The following DENND2A variants were observed in gnomAD, a reference collection of about 807,000 sequenced individuals.
DENND2A encodes the protein DENN domain containing 2A.
A neutral mutation model predicts 105.3 loss-of-function variants in DENND2A; 53 were observed. That is an observed-to-expected ratio of 0.50 (90% CI 0.40 to 0.63). The LOEUF (loss-of-function observed/expected upper bound fraction) is 0.63. DENND2A is among the 30% of genes least tolerant of loss of function. DENND2A has a pLI of 0.00. For missense variants in DENND2A, 1,138 were observed against 1,279.6 expected, an observed-to-expected ratio of 0.89 and a Z score of 1.69; for synonymous variants, 522 against 508.4, an observed-to-expected ratio of 1.03 and a Z score of -0.36.
chr7:140,562,815 T>C (rs1797685264), intron 9 of DENND2A, among the ~76,000 whole-genome samples: 1 of 152,230 alleles, frequency 6.6e-6, no homozygotes, highest in African/African-American at 2.4e-5. Context: ...ATTTATAGAC[T>C]TAGTTGTCCT....
At chr7:140,581,934 G>A (rs1434931341) in intron 5 of DENND2A, among the ~76,000 whole-genome samples, 2 of 150,964 alleles carry the variant, frequency 1.3e-5, no homozygotes, top group Admixed American at 6.6e-5. Context: ...AGGGAGGAGC[G>A]TTCTGCCCTG....
chr7:140,585,734 G>C, intron 4 of DENND2A, 24 bp from the exon 5 acceptor site: 1 of 1,614,046 alleles, frequency 6.2e-7, no homozygotes, highest in Non-Finnish European at 8.5e-7. Flanking sequence ...CAATGTGTCA[G>C]GAACCTGGGA....
intron 18 of DENND2A, 38 bp from the exon 19 acceptor site, chr7:140,519,756 G>A: frequency 6.3e-7 from 1 of 1,579,760 alleles, no homozygotes; most frequent in South Asian, 1.1e-5. Context: ...TGAGTTCTTG[G>A]TCTTTGCACT....
intron 1 of DENND2A, among the ~76,000 whole-genome samples, chr7:140,623,720 GA>G (rs34329204): frequency 0.027 from 3,340 of 121,918 alleles, 51 homozygotes; most frequent in Non-Finnish European, 0.041. Context: ...ACTCCGTCTA[GA>G]AAAAAAAAAA....
chr7:140,564,410 T>G (rs1443009115), intron 9 of DENND2A, among the ~76,000 whole-genome samples: 1 of 152,160 alleles, frequency 6.6e-6, no homozygotes, highest in Non-Finnish European at 1.5e-5. Flanking sequence ...TTGTATAACT[T>G]GAAAAATGAT....
intron 4 of DENND2A, 27 bp downstream of exon 4, chr7:140,587,626 C>A (rs2130650146): frequency 1.2e-6 from 2 of 1,612,542 alleles, no homozygotes; most frequent in East Asian, 2.2e-5. Context: ...AGACTCAGAT[C>A]CGCACACAGA....
chr7:140,543,121 CT>C (rs35896324), intron 14 of DENND2A, among the ~76,000 whole-genome samples: 62,968 of 138,762 alleles, frequency 0.45, 14,734 homozygotes, highest in African/African-American at 0.59. Flanking sequence ...CTTTTCTTTT[CT>C]TTTTTTTTTT....
chr7:140,548,550 T>C (rs1341325326), intron 12 of DENND2A, among the ~76,000 whole-genome samples: 3 of 152,090 alleles, frequency 2.0e-5, no homozygotes, highest in Non-Finnish European at 4.4e-5. Flanking sequence ...TTTATAAAAG[T>C]ATCACATGTA....
chr7:140,582,529 C>T (rs1444941336), intron 5 of DENND2A, among the ~76,000 whole-genome samples: 1 of 152,220 alleles, frequency 6.6e-6, no homozygotes, highest in Non-Finnish European at 1.5e-5. Context: ...CTTGATGACA[C>T]CCTTTTCCAT....
At position 140,606,480 on chromosome 7, in the gene DENND2A, AAAG is replaced by A. The variant is rs549471400; in HGVS notation, c.-247-677_-247-675del. 1.8e-3 allele frequency among the ~76,000 whole-genome samples: 276 copies of A among 152,320 alleles called. 1 individual carries two copies. Among genetic ancestry groups the A allele is most frequent in the African/African-American group, 6.2e-3 (256 of 41,576 alleles). On this transcript the variant is annotated intron_variant, in intron 1 of 19. Coordinates refer to ENST00000496613, the MANE Select transcript of DENND2A (RefSeq NM_015689.5). Reference sequence around the variant, plus strand: ...CCACTGTGATGAGCTAATAGTCCCCAAAGAAGAAAGTAGTTGCCCTTTTATTTG... The same window carrying A: ...CCACTGTGATGAGCTAATAGTCCCCAAAGAAAGTAGTTGCCCTTTTATTTG...
intron 3 of DENND2A, among the ~76,000 whole-genome samples, chr7:140,595,088 C>T (rs187346229): frequency 1.3e-5 from 2 of 151,694 alleles, no homozygotes; most frequent in African/African-American, 4.8e-5. Context: ...CTCATTGCAA[C>T]CTCCACTTCC....
At chr7:140,541,460 C>T (rs1796656175) in intron 14 of DENND2A, among the ~76,000 whole-genome samples, 1 of 152,210 alleles carries the variant, frequency 6.6e-6, no homozygotes, top group African/African-American at 2.4e-5. Context: ...GCTGGCTTTC[C>T]ACTTCTAGCC....
chr7:140,626,852 G>C (rs1253999202), intron 1 of DENND2A, among the ~76,000 whole-genome samples: 1 of 152,206 alleles, frequency 6.6e-6, no homozygotes, highest in Non-Finnish European at 1.5e-5. Flanking sequence ...CTGCTCCCGG[G>C]TTCTGAGAAA....
chr7:140,551,059 G>T (rs1196965331), intron 12 of DENND2A, among the ~76,000 whole-genome samples: 1 of 151,612 alleles, frequency 6.6e-6, no homozygotes, highest in Non-Finnish European at 1.5e-5. Context: ...CCAGCACTTT[G>T]GGATGCCGAG....
rs201986896 is a variant in DENND2A, at chr7:140,525,774, C to T, written c.2524G>A (p.Val842Ile). Residue 842 changes from valine (V) to isoleucine (I), a missense_variant, in exon 16 of 20, where the codon GTC becomes ATC. By Grantham distance (29) the Val-to-Ile change is conservative. Around this residue, in one of 2 missense-constraint regions of DENND2A, gnomAD observed 627 missense variants for 779.8 expected, o/e 0.80. Transcript: ENST00000496613. ...ACCTGTCTGAGGAACCGGCTGTTGA[C>T]GAGGTCAACCACAAGGACCTATGAG... ...PLEEVLVVDL[V>I]NSRFLRQMDD... is the part of the protein sequence containing the mutation. The T allele has an allele frequency of 7.4e-5, 119 of 1,605,172 alleles. No homozygotes were observed. Among genetic ancestry groups the T allele is most frequent in the African/African-American group, 3.6e-4 (27 of 74,584 alleles).
chr7:140,533,939 A>T (rs1415877469), intron 14 of DENND2A, among the ~76,000 whole-genome samples: 5 of 151,892 alleles, frequency 3.3e-5, no homozygotes, highest in Non-Finnish European at 7.4e-5. Context: ...TTTTAGATGG[A>T]GTCTCACTCT....
At chr7:140,541,709 C>T (rs980124020) in intron 14 of DENND2A, among the ~76,000 whole-genome samples, 5 of 152,198 alleles carry the variant, frequency 3.3e-5, no homozygotes, top group African/African-American at 1.2e-4. Flanking sequence ...CCTCAGCGCC[C>T]AGCACCAGCT....
Position 140,565,480 on chromosome 7 carries a change from G to A in DENND2A, c.1779+1606C>T, listed in dbSNP as rs10242266. Reference sequence around the variant, plus strand: ...AATATATTCTTAGTAAATTCTGGTTGAACTGAATTAGAATATGGTGGAACC... The same window carrying A: ...AATATATTCTTAGTAAATTCTGGTTAAACTGAATTAGAATATGGTGGAACC... On this transcript the variant is annotated intron_variant, in intron 9 of 19. Transcript: ENST00000496613. 6.5e-3 allele frequency among the ~76,000 whole-genome samples: 983 copies of A among 152,218 alleles called. 16 individuals are homozygous for A. The highest frequency in any genetic ancestry group is 0.023 in the African/African-American group (937 of 41,524).
intron 18 of DENND2A, 60 bp from the exon 19 acceptor site, chr7:140,519,778 C>T: frequency 1.4e-6 from 2 of 1,421,024 alleles, no homozygotes; most frequent in Non-Finnish European, 2.0e-6. Context: ...CTAAATGTGT[C>T]CATTTCCTCC....
Sources: allele counts gnomAD v4.1 joint callset (sites outside exome capture counted in the v4.1 genomes callset), GRCh38; gene constraint gnomAD v4.1.1; regional missense constraint gnomAD v4.1.1; transcripts MANE v1.5; gene names NCBI Gene and HGNC (gene_info 2026-07-23, HGNC 2026-07-21).